Variants in DIAPH2 observed in about 807,000 individuals in gnomAD.
DIAPH2 encodes protein diaphanous homolog 2.
In DIAPH2, 35 loss-of-function variants were observed where a neutral mutation model predicts 92.7. That is an observed-to-expected ratio of 0.38 (90% CI 0.29 to 0.50). The LOEUF is 0.50. Among genes scored for constraint, DIAPH2 ranks in the 20% least tolerant of loss-of-function variants. The probability of loss-of-function intolerance (pLI) is 0.94; values close to 1 mark genes in which losing one functional copy is unlikely to be tolerated. For missense variants in DIAPH2, 701 were observed against 819.5 expected (o/e 0.86, Z 1.77); for synonymous variants, 301 against 280.4 (o/e 1.07, Z -0.73).
chrX:97,427,734 G>A (rs1213409283), intron 25 of DIAPH2, among the ~76,000 whole-genome samples: 3 of 110,583 alleles, frequency 2.7e-5, no homozygotes, highest in African/African-American at 9.9e-5. Context: ...GGGCTGGAGT[G>A]CAGTGGTACA....
chrX:97,551,038 C>CTT lies in DIAPH2; in HGVS notation c.3242-48204_3242-48203dup, dbSNP rs34546477. ...ATGCTTAAGTATGTTTTTAAAAAGA[C>CTT]TTTTTTTTTTTTGAAAGTCAAAGAG... is the stretch of plus-strand genomic sequence containing the variant. On this transcript the variant is annotated intron_variant, in intron 26 of 26. Coordinates refer to ENST00000324765, the MANE Select transcript of DIAPH2 (RefSeq NM_006729.5). Among the ~76,000 whole-genome samples, 608 of 103,383 alleles carry CTT rather than the reference C, an allele frequency of 5.9e-3. 5 individuals are homozygous for CTT. Among genetic ancestry groups the CTT allele is most frequent in the African/African-American group, 0.019 (554 of 28,562 alleles). 89.8% of individuals were successfully genotyped at this position (103,383 alleles called of 115,157 possible). A position where few individuals can be genotyped will look rare whatever the true frequency, so the allele number is the denominator to read the frequency against.
intron 26 of DIAPH2, among the ~76,000 whole-genome samples, chrX:97,590,736 C>A (rs1332889665): frequency 9.0e-6 from 1 of 111,698 alleles, no homozygotes; most frequent in Admixed American, 9.5e-5. Context: ...GCAATCTATG[C>A]CTTCATCGGC....
At chrX:97,491,351 T>G (rs1425937494) in intron 26 of DIAPH2, among the ~76,000 whole-genome samples, 1 of 111,989 alleles carries the variant, frequency 8.9e-6, no homozygotes, top group Non-Finnish European at 1.9e-5. Flanking sequence ...TATTGTTTAT[T>G]TATCTATTCT....
intron 23 of DIAPH2, among the ~76,000 whole-genome samples, chrX:97,326,365 T>G (rs144598464): frequency 8.9e-6 from 1 of 112,040 alleles, no homozygotes; most frequent in Non-Finnish European, 1.9e-5. Flanking sequence ...GCGACCGCCA[T>G]ATATTATTAA....
chrX:97,536,403 T>A lies in DIAPH2; in HGVS notation c.3242-62850T>A, dbSNP rs990673742. ...CATATGAGTCAGCTTTTAAATTTTT[T>A]AAAAATTCTATTATTCTGATCTTAA... On this transcript the variant is annotated intron_variant, in intron 26 of 26. Coordinates refer to ENST00000324765, the MANE Select transcript of DIAPH2 (RefSeq NM_006729.5). Among the ~76,000 whole-genome samples, 7 of 112,278 alleles carry A rather than the reference T, an allele frequency of 6.2e-5. No homozygotes were observed. The South Asian group carries it at 1.5e-3, about 24-fold the overall frequency.
chrX:97,276,588 A>G (rs2068454116), intron 23 of DIAPH2, among the ~76,000 whole-genome samples: 1 of 111,749 alleles, frequency 8.9e-6, no homozygotes, highest in African/African-American at 3.3e-5. Context: ...GCTAAGCAAC[A>G]TTTATGCTTT....
At chrX:97,491,909 T>C (rs1009904460) in intron 26 of DIAPH2, among the ~76,000 whole-genome samples, 1 of 111,614 alleles carries the variant, frequency 9.0e-6, no homozygotes, top group Non-Finnish European at 1.9e-5. Context: ...ACCATGAAGC[T>C]TGCATAGATT....
At chrX:96,943,646 CATAATAAACT>C (rs200911116) in intron 13 of DIAPH2, among the ~76,000 whole-genome samples, 3,484 of 110,867 alleles carry the variant, frequency 0.031, 157 homozygotes, top group African/African-American at 0.11. Context: ...TCACCTCTCA[CATAATAAACT>C]ATAGTTTTTT....
intron 17 of DIAPH2, among the ~76,000 whole-genome samples, chrX:96,981,034 A>T (rs2065993607): frequency 9.5e-6 from 1 of 105,492 alleles, no homozygotes; most frequent in Admixed American, 1.0e-4. Context: ...TTGGCCAGGC[A>T]TGGTGGCATG....
chrX:97,237,617 T>C (rs770574612), intron 22 of DIAPH2, among the ~76,000 whole-genome samples: 1 of 110,538 alleles, frequency 9.0e-6, no homozygotes, highest in South Asian at 3.9e-4. Context: ...TCTCTCGCTC[T>C]GTCGCCCAGG....
chrX:96,819,070 T>C (rs941164645), intron 4 of DIAPH2, among the ~76,000 whole-genome samples: 3 of 112,326 alleles, frequency 2.7e-5, no homozygotes, highest in Admixed American at 9.4e-5. Flanking sequence ...CAGAGAGTAA[T>C]GCTCATTGGC....
At chrX:96,883,314 G>C (rs908409005) in intron 5 of DIAPH2, among the ~76,000 whole-genome samples, 3 of 111,147 alleles carry the variant, frequency 2.7e-5, no homozygotes, top group African/African-American at 9.8e-5. Flanking sequence ...CTTAGAGTAT[G>C]ATAATCGTTG....
intron 23 of DIAPH2, among the ~76,000 whole-genome samples, chrX:97,328,317 C>A (rs1157284848): frequency 9.0e-6 from 1 of 110,933 alleles, no homozygotes; most frequent in Non-Finnish European, 1.9e-5. Context: ...CGCCTGTAGT[C>A]CCAGCTACTT....
Position 97,591,995 on chromosome X carries a change from A to G in DIAPH2, c.3242-7258A>G, listed in dbSNP as rs11092157. ...ACTGATGTAATTTTTTCTTAACCAT[A>G]CTTTTCTAAGATTTCTTGAAATGCC... On this transcript the variant is annotated intron_variant, in intron 26 of 26. Transcript: ENST00000324765. Among the ~76,000 whole-genome samples the G allele has an allele frequency of 2.5e-3, 275 of 112,173 alleles. 1 individual carries two copies. Among genetic ancestry groups the G allele is most frequent in the Middle Eastern group, 4.6e-3 (1 of 218 alleles).
chrX:96,765,357 C>A (rs1232783741), intron 4 of DIAPH2, among the ~76,000 whole-genome samples: 1 of 109,076 alleles, frequency 9.2e-6, no homozygotes, highest in Non-Finnish European at 1.9e-5. Context: ...ACCACCATGC[C>A]CAGCTAATTT....
chrX:97,086,204 C>T (rs1047934815), intron 19 of DIAPH2, among the ~76,000 whole-genome samples: 2 of 111,861 alleles, frequency 1.8e-5, no homozygotes, highest in Non-Finnish European at 3.8e-5. Flanking sequence ...ATAGTATGTA[C>T]ATGTTGGAAC....
chrX:96,940,950 G>A (rs1003101653), intron 12 of DIAPH2, among the ~76,000 whole-genome samples: 1 of 110,796 alleles, frequency 9.0e-6, no homozygotes, highest in Non-Finnish European at 1.9e-5. Context: ...TTCCACTTAG[G>A]GATGATTAAC....
intron 26 of DIAPH2, among the ~76,000 whole-genome samples, chrX:97,591,518 C>T (rs2147886133): frequency 9.0e-6 from 1 of 111,650 alleles, no homozygotes; most frequent in East Asian, 2.8e-4. Flanking sequence ...AAGGTGAATT[C>T]AAGGATCAGT....
chrX:96,816,592 T>A (rs1032002176), intron 4 of DIAPH2, among the ~76,000 whole-genome samples: 2 of 112,139 alleles, frequency 1.8e-5, no homozygotes, highest in African/African-American at 6.5e-5. Flanking sequence ...GGTGATGATA[T>A]GGAGAAAAGG....
Sources: gnomAD v4.1 joint callset for allele counts (sites outside exome capture counted in the v4.1 genomes callset) on GRCh38, gnomAD v4.1.1 for gene constraint, MANE v1.5 for transcripts, NCBI Gene and HGNC (gene_info 2026-07-23, HGNC 2026-07-21) for gene names.